Variants in ASB2 observed in about 807,000 individuals in gnomAD.
The protein encoded by ASB2 is ankyrin repeat and SOCS box protein 2.
Under a neutral mutation model 62.4 loss-of-function variants are expected in ASB2, and 58 were observed. The observed-to-expected ratio is 0.93, with a 90% confidence interval of 0.75 to 1.16. ASB2 has a LOEUF of 1.16. Among genes scored for constraint, ASB2 ranks in the 50% most tolerant of loss-of-function variants. The pLI is 0.00. For missense variants in ASB2, 928 were observed against 887.9 expected (o/e 1.05, Z -0.57); for synonymous variants, 386 against 385.3 (o/e 1.00, Z -0.02).
intron 6 of ASB2, among the ~76,000 whole-genome samples, chr14:93,950,611 T>G (rs902106594): frequency 5.3e-5 from 8 of 152,268 alleles, no homozygotes; most frequent in Admixed American, 5.2e-4. Context: ...GCGGTTGGGG[T>G]GTCAGGAGAC....
intron 2 of ASB2, among the ~76,000 whole-genome samples, chr14:93,959,336 T>C (rs1183158545): frequency 6.6e-6 from 1 of 152,124 alleles, no homozygotes; most frequent in African/African-American, 2.4e-5. Flanking sequence ...GAAGGGCTCA[T>C]TCTGGGAGCA....
intron 6 of ASB2, among the ~76,000 whole-genome samples, chr14:93,948,877 C>T (rs757983778): frequency 4.6e-5 from 7 of 152,126 alleles, no homozygotes; most frequent in Non-Finnish European, 8.8e-5. Context: ...TTGATATAGG[C>T]GGCAGTGAGC....
intron 3 of ASB2, 129 bp from the exon 4 acceptor site, chr14:93,954,612 GC>G: frequency 1.3e-6 from 1 of 754,998 alleles, no homozygotes. Context: ...TGAGCACTCA[GC>G]CCCCTGCAGC....
chr14:93,935,448 T>C (rs529132482), intron 9 of ASB2, among the ~76,000 whole-genome samples: 2 of 151,854 alleles, frequency 1.3e-5, no homozygotes, highest in African/African-American at 4.8e-5. Context: ...ATTCATTCAT[T>C]CACCAGGCGA....
intron 2 of ASB2, among the ~76,000 whole-genome samples, chr14:93,960,005 C>T (rs910746895): frequency 2.1e-5 from 3 of 139,748 alleles, no homozygotes; most frequent in Non-Finnish European, 4.6e-5. Context: ...CCCCATGCCA[C>T]GAGTCCACCC....
At position 93,939,698 on chromosome 14, in the gene ASB2, G is replaced by T; in HGVS notation, c.1053-26C>A. On this transcript the variant is annotated intron_variant, in intron 7 of 9. Coordinates refer to ENST00000555019, the MANE Select transcript of ASB2 (RefSeq NM_001202429.2). Reference sequence around the variant, plus strand: ...CTGCCGGGTCGAGGGGCGGGCGCGGGTGAGGGGAGGGTCGGGGTGTGGACG... The same window carrying T: ...CTGCCGGGTCGAGGGGCGGGCGCGGTTGAGGGGAGGGTCGGGGTGTGGACG... The T allele has an allele frequency of 7.1e-6, 10 of 1,408,536 alleles. No individual in the cohort carries two copies. The South Asian group carries it at 1.5e-4, about 21-fold the overall frequency. 87.3% of individuals were successfully genotyped at this position (1,408,536 alleles called of 1,614,324 possible).
chr14:93,971,809 A>C (rs1889762576), intron 1 of ASB2, among the ~76,000 whole-genome samples: 1 of 152,018 alleles, frequency 6.6e-6, no homozygotes, highest in Admixed American at 6.6e-5. Flanking sequence ...GCTACATCTG[A>C]TTTTACACCA....
At position 93,947,332 on chromosome 14, in the gene ASB2, G is replaced by T. The variant is rs747133260; in HGVS notation, c.1052+17C>A. Reference sequence around the variant, plus strand: ...CCTCGGGAGAGCTGCCTGGGTGCTGGCGGAGCCTGGGCTGACCTGTAGTTG... The same window carrying T: ...CCTCGGGAGAGCTGCCTGGGTGCTGTCGGAGCCTGGGCTGACCTGTAGTTG... On this transcript the variant is annotated intron_variant, in intron 7 of 9. Coordinates refer to ENST00000555019, the MANE Select transcript of ASB2 (RefSeq NM_001202429.2). 2 of 1,612,798 alleles carry T rather than the reference G, an allele frequency of 1.2e-6. No homozygotes were observed. Among genetic ancestry groups the T allele is most frequent in the Non-Finnish European group, 1.7e-6 (2 of 1,179,504 alleles).
At chr14:93,936,281 T>C (rs1236434658) in intron 9 of ASB2, among the ~76,000 whole-genome samples, 1 of 152,212 alleles carries the variant, frequency 6.6e-6, no homozygotes, top group Non-Finnish European at 1.5e-5. Flanking sequence ...AAATAGATAT[T>C]GGTTAAGAAC....
chr14:93,958,698 G>A (rs1371933227), intron 2 of ASB2, among the ~76,000 whole-genome samples: 5 of 152,210 alleles, frequency 3.3e-5, no homozygotes, highest in Admixed American at 3.3e-4. Flanking sequence ...GCCTGGTCCT[G>A]AGAAGGAGAG....
chr14:93,949,135 G>C (rs1322037178), intron 6 of ASB2, among the ~76,000 whole-genome samples: 1 of 152,164 alleles, frequency 6.6e-6, no homozygotes, highest in Non-Finnish European at 1.5e-5. Context: ...CCTTGTTCTG[G>C]AAGGACATGG....
chr14:93,955,356 T>A (rs1446201281), intron 3 of ASB2: 1 of 351,992 alleles, frequency 2.8e-6, no homozygotes, highest in Non-Finnish European at 5.6e-6. Flanking sequence ...TCAGACTCTG[T>A]GGTTATTAAT....
intron 5 of ASB2, among the ~76,000 whole-genome samples, chr14:93,952,986 C>T (rs564565794): frequency 1.3e-5 from 2 of 152,328 alleles, no homozygotes; most frequent in South Asian, 4.1e-4. Context: ...GCAGGTGATT[C>T]CTCCTCTGTG....
intron 7 of ASB2, chr14:93,941,811 AGCATT>A: frequency 2.4e-6 from 1 of 410,144 alleles, no homozygotes; most frequent in Non-Finnish European, 4.9e-6. Context: ...TGGGAACTTG[AGCATT>A]GTCTCAGTTA....
intron 7 of ASB2, among the ~76,000 whole-genome samples, chr14:93,944,556 C>T (rs1298781410): frequency 6.6e-6 from 1 of 152,208 alleles, no homozygotes; most frequent in Non-Finnish European, 1.5e-5. Flanking sequence ...GAGCAGAGGG[C>T]CTTTAATGCT....
At chr14:93,958,308 A>C (rs1438356498) in intron 2 of ASB2, among the ~76,000 whole-genome samples, 3 of 152,194 alleles carry the variant, frequency 2.0e-5, no homozygotes, top group African/African-American at 7.2e-5. Context: ...AGATGAGGAC[A>C]GGGAGGCTGT....
chr14:93,935,482 T>A (rs1324776647), intron 9 of ASB2, among the ~76,000 whole-genome samples: 4 of 152,212 alleles, frequency 2.6e-5, no homozygotes. Context: ...CTGTTGCACC[T>A]AGCTCTGTGC....
chr14:93,956,394 T>C (rs1299752141), intron 3 of ASB2, among the ~76,000 whole-genome samples: 2 of 152,162 alleles, frequency 1.3e-5, no homozygotes, highest in Non-Finnish European at 2.9e-5. Context: ...CTCATCAAGT[T>C]CAACTCCAAG....
intron 1 of ASB2, among the ~76,000 whole-genome samples, chr14:93,975,592 C>G (rs1480674421): frequency 6.6e-6 from 1 of 152,190 alleles, no homozygotes; most frequent in African/African-American, 2.4e-5. Flanking sequence ...GAAAGTGTTC[C>G]AACTTCTTGC....
Sources: gnomAD v4.1 joint callset for allele counts (sites outside exome capture counted in the v4.1 genomes callset) on GRCh38, gnomAD v4.1.1 for gene constraint, MANE v1.5 for transcripts, NCBI Gene and HGNC (gene_info 2026-07-23, HGNC 2026-07-21) for gene names.